The following PDK1 variants were observed in gnomAD, a reference collection of about 807,000 sequenced individuals.
PDK1 encodes [Pyruvate dehydrogenase (acetyl-transferring)] kinase isozyme 1, mitochondrial.
Under a neutral mutation model 54.2 loss-of-function variants are expected in PDK1, and 39 were observed. That is an observed-to-expected ratio of 0.72 (90% CI 0.56 to 0.94). The LOEUF (loss-of-function observed/expected upper bound fraction) is 0.94. Ranked by LOEUF, PDK1 falls within the 40% of genes least tolerant of loss-of-function variation. PDK1 has a pLI of 0.00. For synonymous variants in PDK1, 221 were observed against 207.1 expected, an observed-to-expected ratio of 1.07 and a Z score of -0.58; for missense variants, 552 against 566.0, an observed-to-expected ratio of 0.98 and a Z score of 0.25.
the PDK1 span, among the ~76,000 whole-genome samples, chr2:172,637,307 T>G: frequency 6.6e-6 from 1 of 152,224 alleles, no homozygotes; most frequent in African/African-American, 2.4e-5. Context: ...ACTGCTCAGT[T>G]AGAACATTTC....
chr2:172,661,105 A>G, the PDK1 span, among the ~76,000 whole-genome samples: 2 of 152,320 alleles, frequency 1.3e-5, no homozygotes, highest in South Asian at 4.1e-4. Flanking sequence ...TTGACATTTC[A>G]TCAGGAATGT....
rs527919306 is a variant in PDK1 at position 172,593,764 on chromosome 2, A to G, written c.1170+716A>G. 6.6e-5 allele frequency among the ~76,000 whole-genome samples: 10 copies of G among 152,278 alleles called. No homozygotes were observed. The East Asian group carries it at 1.4e-3, about 21-fold the overall frequency. On this transcript the variant is annotated intron_variant, in intron 10 of 10. Coordinates refer to ENST00000282077, the MANE Select transcript of PDK1 (RefSeq NM_002610.5). ...TTAGTCTGCTTGCCTGGAGTGTTCA[A>G]TGCATTAAGGAGGGTTCCACACATT...
intron 8 of PDK1, among the ~76,000 whole-genome samples, chr2:172,574,800 AT>A (rs1350039125): frequency 6.6e-6 from 1 of 152,092 alleles, no homozygotes; most frequent in African/African-American, 2.4e-5. Flanking sequence ...AAATGTCTTT[AT>A]TAGTGCTAGT....
the PDK1 span, among the ~76,000 whole-genome samples, chr2:172,625,492 T>C: frequency 3.3e-5 from 5 of 152,204 alleles, no homozygotes; most frequent in Admixed American, 6.5e-5. Flanking sequence ...TTCAACCTTA[T>C]CTCCTGCTAG....
chr2:172,589,473 A>G (rs916110015), intron 9 of PDK1, among the ~76,000 whole-genome samples: 1 of 152,206 alleles, frequency 6.6e-6, no homozygotes, highest in Non-Finnish European at 1.5e-5. Context: ...TGCCCAAGGC[A>G]ACCTCAGGGA....
the PDK1 span, among the ~76,000 whole-genome samples, chr2:172,709,346 A>G: frequency 6.6e-6 from 1 of 152,182 alleles, no homozygotes; most frequent in Admixed American, 6.5e-5. Context: ...AGAAATATAT[A>G]TTCTTGTATT....
chr2:172,611,925 C>T (rs1456113749), downstream of PDK1, among the ~76,000 whole-genome samples: 1 of 152,236 alleles, frequency 6.6e-6, no homozygotes, highest in Non-Finnish European at 1.5e-5. Flanking sequence ...TTGATACTCC[C>T]TGATGTAAGA....
At chr2:172,561,757 C>T (rs539191193) in intron 2 of PDK1, among the ~76,000 whole-genome samples, 2 of 152,260 alleles carry the variant, frequency 1.3e-5, no homozygotes, top group Non-Finnish European at 2.9e-5. Flanking sequence ...GTTAGTTGGA[C>T]ATAAATATGT....
the PDK1 span, among the ~76,000 whole-genome samples, chr2:172,715,727 A>G: frequency 4.3e-4 from 65 of 152,338 alleles, no homozygotes; most frequent in African/African-American, 1.5e-3. Flanking sequence ...AAGGAAAAAA[A>G]TGAAAATTGT....
At position 172,598,366 on chromosome 2, in the gene PDK1, T is replaced by C. The variant is rs951830165; in HGVS notation, c.*2397T>C. On this transcript the variant is annotated 3_prime_UTR_variant, in exon 11 of 11. Coordinates refer to ENST00000282077, the MANE Select transcript of PDK1 (RefSeq NM_002610.5). Reference sequence around the variant, plus strand: ...TTTTTAAGGTAAAACAGCTTTTTACTCTGTTATTGTGGTAATGGACAGAAT... The same window carrying C: ...TTTTTAAGGTAAAACAGCTTTTTACCCTGTTATTGTGGTAATGGACAGAAT... The C allele has an allele frequency of 6.6e-6, 1 of 152,250 alleles. No homozygotes were observed. Among genetic ancestry groups the C allele is most frequent in the Middle Eastern group, 3.2e-3 (1 of 316 alleles). 9.4% of individuals were successfully genotyped at this position (152,250 alleles called of 1,614,324 possible). A position where few individuals can be genotyped will look rare whatever the true frequency, so the allele number is the denominator to read the frequency against.
chr2:172,701,648 G>GC, the PDK1 span, among the ~76,000 whole-genome samples: 3 of 124,868 alleles, frequency 2.4e-5, no homozygotes, highest in African/African-American at 9.4e-5. Context: ...TTTTTGTTTT[G>GC]TTTTTTTTTT....
At chr2:172,652,753 C>T in the PDK1 span, among the ~76,000 whole-genome samples, 3 of 152,034 alleles carry the variant, frequency 2.0e-5, no homozygotes, top group African/African-American at 7.2e-5. Context: ...CCTAGGAATC[C>T]CACTTACAAG....
chr2:172,586,255 G>A, intron 8 of PDK1, 23 bp from the exon 9 acceptor site: 3 of 1,456,186 alleles, frequency 2.1e-6, no homozygotes, highest in Middle Eastern at 1.7e-4. Flanking sequence ...TGGGCATAGA[G>A]CACGATCCTT....
At chr2:172,556,796 G>C (rs1216044108) in intron 1 of PDK1, among the ~76,000 whole-genome samples, 1 of 152,126 alleles carries the variant, frequency 6.6e-6, no homozygotes, top group African/African-American at 2.4e-5. Context: ...GATTATAACT[G>C]GCCCAGGGTT....
At chr2:172,655,663 C>T in the PDK1 span, among the ~76,000 whole-genome samples, 1 of 152,234 alleles carries the variant, frequency 6.6e-6, no homozygotes, top group Admixed American at 6.5e-5. Context: ...GTTTGGTCAC[C>T]ATCCCTTCAA....
chr2:172,652,903 A>G, the PDK1 span, among the ~76,000 whole-genome samples: 3 of 152,190 alleles, frequency 2.0e-5, no homozygotes, highest in African/African-American at 7.2e-5. Flanking sequence ...GCCCAAGGTA[A>G]TTTATAGATT....
intron 2 of PDK1, among the ~76,000 whole-genome samples, chr2:172,560,833 A>G (rs934553707): frequency 6.6e-6 from 1 of 152,168 alleles, no homozygotes; most frequent in Non-Finnish European, 1.5e-5. Flanking sequence ...ACTGATTTAA[A>G]AGTGTTGTTC....
At chr2:172,676,736 G>C in the PDK1 span, among the ~76,000 whole-genome samples, 1 of 152,238 alleles carries the variant, frequency 6.6e-6, no homozygotes, top group Non-Finnish European at 1.5e-5. Context: ...AGCAGGTTTT[G>C]AGAGGATTGG....
chr2:172,682,865 CAA>C, the PDK1 span, among the ~76,000 whole-genome samples: 8,095 of 152,054 alleles, frequency 0.053, 408 homozygotes, highest in East Asian at 0.22. Flanking sequence ...TGGAGTAACA[CAA>C]AATAAAGAGG....
Sources: allele counts gnomAD v4.1 joint callset (sites outside exome capture counted in the v4.1 genomes callset), GRCh38; gene constraint gnomAD v4.1.1; transcripts MANE v1.5; gene names NCBI Gene and HGNC (gene_info 2026-07-23, HGNC 2026-07-21).